The following CDH23 variants were observed in gnomAD, a reference collection of about 807,000 sequenced individuals.
CDH23 encodes the protein cadherin-23.
In CDH23, 189 loss-of-function variants were observed where a neutral mutation model predicts 317.1. That is an observed-to-expected ratio of 0.60 (90% CI 0.53 to 0.67). CDH23 has a LOEUF of 0.67. Ranked by LOEUF, CDH23 falls within the 30% of genes least tolerant of loss-of-function variation. CDH23 has a pLI of 0.00. For missense variants in CDH23, 4,401 were observed against 4,592.4 expected (o/e 0.96, Z 1.20); for synonymous variants, 1,839 against 1,876.8 (o/e 0.98, Z 0.52).
chr10:71,573,817 C>A (rs12258535), intron 8 of CDH23, among the ~76,000 whole-genome samples: 5,968 of 152,264 alleles, frequency 0.039, 193 homozygotes, highest in African/African-American at 0.071. Context: ...TGGCCCGGCT[C>A]CCCTGGGGCC....
intron 1 of CDH23, among the ~76,000 whole-genome samples, chr10:71,399,861 C>G (rs751037244): frequency 6.6e-6 from 1 of 152,104 alleles, no homozygotes; most frequent in Non-Finnish European, 1.5e-5. Context: ...GGTGTACACA[C>G]TCTGCCTCTA....
intron 6 of CDH23, among the ~76,000 whole-genome samples, chr10:71,549,291 G>A (rs915715200): frequency 6.6e-5 from 10 of 152,244 alleles, no homozygotes; most frequent in Admixed American, 1.3e-4. Context: ...TGTTTCACCT[G>A]TTTGCCAAAG....
intron 46 of CDH23, chr10:71,790,666 C>T: frequency 3.8e-6 from 2 of 532,148 alleles, no homozygotes; most frequent in South Asian, 2.3e-5. Context: ...GGGCCGGGAG[C>T]CCCCCAGCCC....
intron 41 of CDH23, among the ~76,000 whole-genome samples, chr10:71,783,619 T>C (rs74145657): frequency 0.014 from 2,187 of 152,252 alleles, 43 homozygotes; most frequent in East Asian, 0.082. Context: ...AAGAAAAGGA[T>C]TCTGGGGCCA....
At chr10:71,555,060 G>A (rs1288420788) in intron 6 of CDH23, among the ~76,000 whole-genome samples, 3 of 152,184 alleles carry the variant, frequency 2.0e-5, no homozygotes, top group African/African-American at 7.2e-5. Context: ...CTACTTGAGG[G>A]CACGGGGGTA....
At chr10:71,612,227 A>AGTGTGT (rs112383786) in intron 9 of CDH23, among the ~76,000 whole-genome samples, 4,886 of 149,224 alleles carry the variant, frequency 0.033, 164 homozygotes, top group African/African-American at 0.082. Flanking sequence ...GTGAAAAAGA[A>AGTGTGT]GTGTGTGTGT....
chr10:71,707,755 G>A (rs1450947727), intron 26 of CDH23, among the ~76,000 whole-genome samples: 1 of 152,046 alleles, frequency 6.6e-6, no homozygotes, highest in African/African-American at 2.4e-5. Context: ...ACCCTCTTTG[G>A]CCCTTTTACT....
chr10:71,599,477 T>C (rs1860074146), intron 9 of CDH23, among the ~76,000 whole-genome samples: 1 of 152,200 alleles, frequency 6.6e-6, no homozygotes, highest in Non-Finnish European at 1.5e-5. Flanking sequence ...ATGCATACAG[T>C]ATGTAAAGAT....
At chr10:71,731,875 A>G (rs1267571045) in intron 31 of CDH23, 112 bp from the exon 32 acceptor site, 6 of 1,108,354 alleles carry the variant, frequency 5.4e-6, no homozygotes, top group Non-Finnish European at 7.7e-6. Flanking sequence ...GAGGTGGGGC[A>G]GCCCATGCTG....
At chr10:71,564,259 C>T (rs1589212968) in intron 6 of CDH23, among the ~76,000 whole-genome samples, 1 of 152,166 alleles carries the variant, frequency 6.6e-6, no homozygotes, top group East Asian at 1.9e-4. Flanking sequence ...TTCAGACAAG[C>T]CCCCAGTGTA....
chr10:71,548,001 G>A (rs996639567), intron 6 of CDH23, among the ~76,000 whole-genome samples: 9 of 152,316 alleles, frequency 5.9e-5, no homozygotes, highest in East Asian at 1.9e-4. Context: ...GAGGCTGGCC[G>A]CTGCTCCTCC....
At position 71,566,871 on chromosome 10, in the gene CDH23, G is replaced by A. The variant is rs369624952; in HGVS notation, c.559G>A (p.Val187Ile). 2.7e-5 allele frequency: 44 copies of A among 1,613,796 alleles called. No homozygotes were observed. The highest frequency in any genetic ancestry group is 4.0e-5 in the African/African-American group (3 of 74,906). Reference protein sequence around the residue: ...FFAIDSARGIVTVIRELDYET... With the variant: ...FFAIDSARGIITVIRELDYET... ...CGCCATTGACAGCGCCCGCGGTATCGTCACAGTGATCCGGGAGCTGGACTA... is the reference window on the plus strand; with the variant it reads ...CGCCATTGACAGCGCCCGCGGTATCATCACAGTGATCCGGGAGCTGGACTA... The change falls in exon 7 of 70, where the codon GTC becomes ATC. Residue 187 changes from valine to isoleucine, a missense_variant. Around this residue, in one of 3 missense-constraint regions of CDH23, gnomAD observed 3,068 missense variants for 3,203.3 expected, o/e 0.96. Transcript: ENST00000224721.
intron 68 of CDH23, 150 bp downstream of exon 68, chr10:71,813,040 C>A: frequency 7.4e-7 from 1 of 1,354,300 alleles, no homozygotes; most frequent in South Asian, 1.4e-5. Context: ...GCTACTCCAG[C>A]CTGCGGTGGC....
At chr10:71,498,910 G>A (rs562987662) in intron 3 of CDH23, among the ~76,000 whole-genome samples, 1 of 152,192 alleles carries the variant, frequency 6.6e-6, no homozygotes, top group African/African-American at 2.4e-5. Flanking sequence ...TAAAAAATGT[G>A]TGTGTGAAGG....
At position 71,483,908 on chromosome 10, in the gene CDH23, G is replaced by GCA. The variant is rs547472011; in HGVS notation, c.146-26165_146-26164dup. Among the ~76,000 whole-genome samples, 294 of 151,996 alleles carry GCA rather than the reference G, an allele frequency of 1.9e-3. 2 individuals are homozygous for GCA. Among genetic ancestry groups the GCA allele is most frequent in the Non-Finnish European group, 3.2e-3 (217 of 67,986 alleles). On this transcript the variant is annotated intron_variant, in intron 3 of 69. Coordinates refer to ENST00000224721, the MANE Select transcript of CDH23 (RefSeq NM_022124.6). ...TCTCCCCCCACACACATGTGCCTGT[G>GCA]CACACACACATGCCCCCTCACATGC...
intron 22 of CDH23, among the ~76,000 whole-genome samples, chr10:71,696,780 C>A (rs7094749): frequency 6.6e-6 from 1 of 151,976 alleles, no homozygotes; most frequent in Admixed American, 6.5e-5. Flanking sequence ...CTGGAATCTG[C>A]GATTTTTTTC....
intron 6 of CDH23, among the ~76,000 whole-genome samples, chr10:71,548,155 G>A (rs1230303367): frequency 1.3e-5 from 2 of 152,220 alleles, no homozygotes; most frequent in African/African-American, 4.8e-5. Context: ...GCTGGGATTG[G>A]GGAGGGAGCC....
At chr10:71,713,070 T>G (rs748955749) in intron 28 of CDH23, 46 of 746,216 alleles carry the variant, frequency 6.2e-5, no homozygotes, top group Non-Finnish European at 2.7e-5. Context: ...GGCCTCCCCC[T>G]GCATATCTCC....
chr10:71,439,924 TC>T, intron 2 of CDH23, 26 bp downstream of exon 2: 1 of 1,551,366 alleles, frequency 6.4e-7, no homozygotes, highest in Non-Finnish European at 8.7e-7. Context: ...CCCGTGTCTA[TC>T]CCATGGGCAG....
Sources: allele counts gnomAD v4.1 joint callset (sites outside exome capture counted in the v4.1 genomes callset), GRCh38; gene constraint gnomAD v4.1.1; regional missense constraint gnomAD v4.1.1; transcripts MANE v1.5; gene names NCBI Gene and HGNC (gene_info 2026-07-23, HGNC 2026-07-21).